Variants in SGCZ observed in about 807,000 individuals in gnomAD.
SGCZ encodes the protein sarcoglycan zeta.
A neutral mutation model predicts 41.3 loss-of-function variants in SGCZ; 40 were observed. That is an observed-to-expected ratio of 0.97 (90% CI 0.75 to 1.26). The LOEUF is 1.26. Ranked by LOEUF, SGCZ falls within the 50% of genes most tolerant of loss-of-function variation. SGCZ has a pLI of 0.00. For synonymous variants in SGCZ, 206 were observed against 137.5 expected, an observed-to-expected ratio of 1.50 and a Z score of -3.49; for missense variants, 552 against 369.8, an observed-to-expected ratio of 1.49 and a Z score of -4.04.
chr8:14,171,479 A>G (rs1291033030), intron 4 of SGCZ, among the ~76,000 whole-genome samples: 1 of 152,050 alleles, frequency 6.6e-6, no homozygotes, highest in Non-Finnish European at 1.5e-5. Flanking sequence ...TGGTAGTATA[A>G]TCTCCTAGTA....
intron 1 of SGCZ, among the ~76,000 whole-genome samples, chr8:14,732,216 T>A (rs1798879968): frequency 6.6e-6 from 1 of 152,064 alleles, no homozygotes. Context: ...TCCTTATAAC[T>A]CTCTTCCACC....
rs145846298 is a variant in SGCZ at position 15,161,867 on chromosome 8, T to G, written c.39+75718A>C. ...CTGGGCAACATGACGAAACCCCATATCTATAAAAATTACAAAAATTAGCTG... is the reference window on the plus strand; with the variant it reads ...CTGGGCAACATGACGAAACCCCATAGCTATAAAAATTACAAAAATTAGCTG... On this transcript the variant is annotated intron_variant, in intron 1 of 7. Transcript: ENST00000382080. 4.3e-3 allele frequency among the ~76,000 whole-genome samples: 650 copies of G among 152,100 alleles called. 3 individuals carry two copies. The highest frequency in any genetic ancestry group is 0.014 in the African/African-American group (596 of 41,500).
intron 1 of SGCZ, among the ~76,000 whole-genome samples, chr8:14,775,492 T>TGTGTGC (rs1800375932): frequency 6.6e-6 from 1 of 151,898 alleles, no homozygotes; most frequent in African/African-American, 2.4e-5. Context: ...TGTGTGTGTG[T>TGTGTGC]GTGTGTGTAC....
At chr8:15,081,206 G>A (rs964736439) in intron 1 of SGCZ, among the ~76,000 whole-genome samples, 11 of 152,086 alleles carry the variant, frequency 7.2e-5, no homozygotes, top group East Asian at 3.9e-4. Flanking sequence ...TGGCTAAATC[G>A]TCTTTCTGTG....
chr8:14,554,965 A>C, intron 1 of SGCZ, 39 bp from the exon 2 acceptor site: 1 of 1,496,470 alleles, frequency 6.7e-7, no homozygotes, highest in Non-Finnish European at 9.0e-7. Context: ...AGAAGGAAAA[A>C]AAAAGAAGCA....
chr8:15,153,917 T>A (rs756549901), intron 1 of SGCZ, among the ~76,000 whole-genome samples: 2 of 152,112 alleles, frequency 1.3e-5, no homozygotes, highest in Non-Finnish European at 2.9e-5. Context: ...TTTCCAGGGA[T>A]GTAGGGGTGG....
At chr8:14,576,086 T>G (rs1804702520) in intron 1 of SGCZ, among the ~76,000 whole-genome samples, 1 of 152,166 alleles carries the variant, frequency 6.6e-6, no homozygotes, top group Admixed American at 6.5e-5. Flanking sequence ...ACAAGCATAA[T>G]CAATGCAAAT....
chr8:14,514,046 A>G (rs904663009), intron 2 of SGCZ, among the ~76,000 whole-genome samples: 21 of 152,246 alleles, frequency 1.4e-4, no homozygotes, highest in African/African-American at 4.8e-4. Flanking sequence ...GCATAATAAG[A>G]ACACTGTAGG....
At chr8:15,098,236 T>A (rs1324804626) in intron 1 of SGCZ, among the ~76,000 whole-genome samples, 1 of 151,366 alleles carries the variant, frequency 6.6e-6, no homozygotes, top group Non-Finnish European at 1.5e-5. Flanking sequence ...GAAGAAAAAA[T>A]GAGAAAGGAA....
chr8:14,764,416 A>T (rs1799978492), intron 1 of SGCZ, among the ~76,000 whole-genome samples: 1 of 152,226 alleles, frequency 6.6e-6, no homozygotes, highest in African/African-American at 2.4e-5. Context: ...TAATTATGTG[A>T]TCACACATGG....
At chr8:14,696,857 T>C (rs916919062) in intron 1 of SGCZ, among the ~76,000 whole-genome samples, 2 of 151,940 alleles carry the variant, frequency 1.3e-5, no homozygotes, top group African/African-American at 4.8e-5. Flanking sequence ...AAAAGGGGGA[T>C]GTATCCTGGA....
At chr8:14,645,334 A>G (rs1807172029) in intron 1 of SGCZ, among the ~76,000 whole-genome samples, 1 of 150,934 alleles carries the variant, frequency 6.6e-6, no homozygotes, top group South Asian at 2.1e-4. Flanking sequence ...AATTTTTACC[A>G]TTATTATAAA....
chr8:14,186,660 C>T (rs953246028), intron 4 of SGCZ, among the ~76,000 whole-genome samples: 3 of 152,272 alleles, frequency 2.0e-5, no homozygotes, highest in Non-Finnish European at 4.4e-5. Context: ...AGACATTTTG[C>T]GCAAGGAGAG....
intron 2 of SGCZ, among the ~76,000 whole-genome samples, chr8:14,392,710 G>A (rs555161081): frequency 6.6e-6 from 1 of 152,074 alleles, no homozygotes; most frequent in Admixed American, 6.6e-5. Context: ...ATTATTTTTG[G>A]ACTTAGCAAA....
At chr8:14,982,098 C>T (rs1801682615) in intron 1 of SGCZ, among the ~76,000 whole-genome samples, 1 of 151,208 alleles carries the variant, frequency 6.6e-6, no homozygotes, top group East Asian at 2.0e-4. Context: ...TGCAGTGAGC[C>T]AGGATCACGC....
intron 5 of SGCZ, 45 bp from the exon 6 acceptor site, chr8:14,108,280 C>G (rs183517353): frequency 6.5e-7 from 1 of 1,541,996 alleles, no homozygotes; most frequent in African/African-American, 1.4e-5. Flanking sequence ...CAAGTCCACA[C>G]AGTGGCTTTC....
chr8:14,822,589 C>G (rs1289311266), intron 1 of SGCZ, among the ~76,000 whole-genome samples: 1 of 152,004 alleles, frequency 6.6e-6, no homozygotes, highest in Admixed American at 6.6e-5. Context: ...TGCTACAAAG[C>G]TATAGAAACC....
chr8:15,015,915 T>C (rs926250216), intron 1 of SGCZ, among the ~76,000 whole-genome samples: 2 of 152,014 alleles, frequency 1.3e-5, no homozygotes, highest in Non-Finnish European at 2.9e-5. Context: ...CTTCCATATC[T>C]CCTTTTTCAT....
chr8:14,959,568 A>G (rs1800898792), intron 1 of SGCZ, among the ~76,000 whole-genome samples: 4 of 152,170 alleles, frequency 2.6e-5, no homozygotes, highest in African/African-American at 9.6e-5. Flanking sequence ...CAGAATATCT[A>G]TTCAGTGTAT....
Sources: allele counts gnomAD v4.1 joint callset (sites outside exome capture counted in the v4.1 genomes callset), GRCh38; gene constraint gnomAD v4.1.1; transcripts MANE v1.5; gene names NCBI Gene and HGNC (gene_info 2026-07-23, HGNC 2026-07-21).